CHST8: variants seen among roughly 807,000 people sequenced by gnomAD.
CHST8 encodes the protein carbohydrate sulfotransferase 8.
CHST8 carries 10 observed loss-of-function variants against 15.0 expected under a neutral mutation model. The ratio of observed to expected loss-of-function variants is 0.67; its 90% CI spans 0.41 to 1.13. CHST8 has a LOEUF of 1.13. Among genes scored for constraint, CHST8 ranks in the 50% most tolerant of loss-of-function variants. CHST8 has a pLI of 0.00. For synonymous variants in CHST8, 259 were observed against 256.6 expected (o/e 1.01, Z -0.09); for missense variants, 634 against 608.2 (o/e 1.04, Z -0.45).
chr19:33,643,289 C>T lies in CHST8; in HGVS notation c.-164+20993C>T, dbSNP rs565023887. ...GTCAATTAGATAGGTTAAAGAGGGGCGTGATTATTGCCTTTTTAACATACA... is the reference window on the plus strand; with the variant it reads ...GTCAATTAGATAGGTTAAAGAGGGGTGTGATTATTGCCTTTTTAACATACA... On this transcript the variant is annotated intron_variant, in intron 1 of 4. Coordinates refer to ENST00000650847, the MANE Select transcript of CHST8 (RefSeq NM_001127895.2). 4.6e-5 allele frequency among the ~76,000 whole-genome samples: 7 copies of T among 152,180 alleles called. No homozygotes were observed. The East Asian group carries it at 7.7e-4, about 17-fold the overall frequency.
At chr19:33,745,794 C>CCCAGGGGAGAAGGTGCAA (rs60974900) in intron 3 of CHST8, among the ~76,000 whole-genome samples, 75,418 of 151,962 alleles carry the variant, frequency 0.5, 19,037 homozygotes, top group Non-Finnish European at 0.53. Context: ...TGCAGGCAGC[C>CCCAGGGGAGAAGGTGCAA]CCTTGGGTGA....
At position 33,706,026 on chromosome 19, in the gene CHST8, A is replaced by G. The variant is rs767955909; in HGVS notation, c.130+16635A>G. ...ACCCGTCTCTATTTTATAGATGAAA[A>G]AACTGAAGCACAGAGAGGCAAAGTC... On this transcript the variant is annotated intron_variant, in intron 3 of 4. Transcript: ENST00000650847. Among the ~76,000 whole-genome samples, 124 of 152,170 alleles carry G rather than the reference A, an allele frequency of 8.1e-4. 3 individuals are homozygous for G. Among genetic ancestry groups the G allele is most frequent in the Admixed American group, 9.2e-4 (14 of 15,278 alleles).
At chr19:33,708,257 T>G (rs917000175) in intron 3 of CHST8, among the ~76,000 whole-genome samples, 1 of 152,236 alleles carries the variant, frequency 6.6e-6, no homozygotes, top group African/African-American at 2.4e-5. Flanking sequence ...ATTCAACATG[T>G]TTTTCGTTGA....
At chr19:33,769,475 G>A (rs531905906) in intron 3 of CHST8, among the ~76,000 whole-genome samples, 159 of 152,322 alleles carry the variant, frequency 1.0e-3, no homozygotes, top group African/African-American at 3.7e-3. Context: ...ATCTGGCAGA[G>A]TAGAGGAAAA....
intron 1 of CHST8, among the ~76,000 whole-genome samples, chr19:33,653,631 C>T (rs573404743): frequency 1.4e-4 from 22 of 152,254 alleles, no homozygotes; most frequent in Non-Finnish European, 8.8e-5. Context: ...GTTAAGAACA[C>T]GGACTCTGGA....
intron 1 of CHST8, among the ~76,000 whole-genome samples, chr19:33,662,970 G>A (rs1275580698): frequency 6.6e-6 from 1 of 152,182 alleles, no homozygotes; most frequent in East Asian, 1.9e-4. Context: ...CATGGGGCGT[G>A]TAGAGTCATG....
Position 33,772,281 on chromosome 19 carries a change from G to A in CHST8, c.493G>A (p.Ala165Thr), listed in dbSNP as rs1479940748. 1.2e-6 allele frequency: 2 copies of A among 1,601,654 alleles called. No homozygotes were observed. The highest frequency in any genetic ancestry group is 1.7e-5 in the Admixed American group (1 of 59,876). Residue 165 changes from alanine (A) to threonine (T), a missense_variant, in exon 5 of 5, where the codon GCC becomes ACC. Coordinates refer to ENST00000650847, the MANE Select transcript of CHST8 (RefSeq NM_001127895.2). Reference sequence around the variant, plus strand: ...CAAGCGGGTGATGCAGGAGGCCTGCGCCAAGTACCGGGCGAGCAGCAGCCG... The same window carrying A: ...CAAGCGGGTGATGCAGGAGGCCTGCACCAAGTACCGGGCGAGCAGCAGCCG... ...ERKRVMQEAC[A>T]KYRASSSRRA...
At chr19:33,629,628 C>T (rs1187353676) in intron 1 of CHST8, among the ~76,000 whole-genome samples, 1 of 152,216 alleles carries the variant, frequency 6.6e-6, no homozygotes, top group Non-Finnish European at 1.5e-5. Flanking sequence ...TCCCGTTGTG[C>T]CCATGCTGCT....
chr19:33,679,353 G>A (rs1972854958), intron 2 of CHST8, among the ~76,000 whole-genome samples: 1 of 152,348 alleles, frequency 6.6e-6, no homozygotes, highest in South Asian at 2.1e-4. Context: ...CTCTTGGCAG[G>A]ATCCAGCAGC....
intron 3 of CHST8, among the ~76,000 whole-genome samples, chr19:33,700,732 G>A (rs1156856538): frequency 2.0e-5 from 3 of 152,204 alleles, no homozygotes; most frequent in Admixed American, 1.3e-4. Flanking sequence ...GAGGTGGGGA[G>A]GGGCAGAGAG....
chr19:33,717,286 C>A (rs904974401), intron 3 of CHST8, among the ~76,000 whole-genome samples: 1 of 152,040 alleles, frequency 6.6e-6, no homozygotes, highest in Non-Finnish European at 1.5e-5. Flanking sequence ...TATGGTGAGA[C>A]CCTGTCTCTA....
At chr19:33,636,364 G>A (rs1313476129) in intron 1 of CHST8, among the ~76,000 whole-genome samples, 1 of 152,042 alleles carries the variant, frequency 6.6e-6, no homozygotes, top group Non-Finnish European at 1.5e-5. Flanking sequence ...CACCTAAATC[G>A]CCCTTGCCTT....
chr19:33,758,441 C>T (rs1974648605), intron 3 of CHST8, among the ~76,000 whole-genome samples: 1 of 152,228 alleles, frequency 6.6e-6, no homozygotes, highest in African/African-American at 2.4e-5. Flanking sequence ...TGCAGAGCCC[C>T]ACCCAGGCCA....
At chr19:33,694,133 T>A (rs1320340759) in intron 3 of CHST8, among the ~76,000 whole-genome samples, 1 of 92,106 alleles carries the variant, frequency 1.1e-5, no homozygotes, top group African/African-American at 4.3e-5. Context: ...TATATATAAA[T>A]GCAATGTTAC....
intron 3 of CHST8, among the ~76,000 whole-genome samples, chr19:33,766,975 G>C (rs1974860082): frequency 1.3e-5 from 2 of 152,250 alleles, no homozygotes; most frequent in African/African-American, 4.8e-5. Context: ...CCTGGGACTG[G>C]CATGGCCGCT....
chr19:33,651,607 C>T (rs1972449994), intron 1 of CHST8, among the ~76,000 whole-genome samples: 1 of 151,988 alleles, frequency 6.6e-6, no homozygotes, highest in Non-Finnish European at 1.5e-5. Context: ...TGTTCAATAG[C>T]CAATAGGTTT....
At chr19:33,768,373 G>A (rs1974895090) in intron 3 of CHST8, among the ~76,000 whole-genome samples, 1 of 152,136 alleles carries the variant, frequency 6.6e-6, no homozygotes. Context: ...CCAGGTGTTT[G>A]AGACCAGCCT....
intron 3 of CHST8, among the ~76,000 whole-genome samples, chr19:33,715,609 C>T (rs1185817762): frequency 6.6e-6 from 1 of 152,160 alleles, no homozygotes; most frequent in East Asian, 1.9e-4. Context: ...GGTGACAGAA[C>T]CCCTGGAGGT....
At chr19:33,661,541 C>T (rs1052394453) in intron 1 of CHST8, among the ~76,000 whole-genome samples, 10 of 152,300 alleles carry the variant, frequency 6.6e-5, no homozygotes, top group African/African-American at 1.2e-4. Context: ...GCCCTTTGCA[C>T]GGTGGTGGCC....
Sources: gnomAD v4.1 joint callset for allele counts (sites outside exome capture counted in the v4.1 genomes callset) on GRCh38, gnomAD v4.1.1 for gene constraint, MANE v1.5 for transcripts, NCBI Gene and HGNC (gene_info 2026-07-23, HGNC 2026-07-21) for gene names.